DYNLT2: variants seen among roughly 807,000 people sequenced by gnomAD.
The protein encoded by DYNLT2 is dynein light chain Tctex-type 2.
In DYNLT2, 24 loss-of-function variants were observed where a neutral mutation model predicts 24.3. The observed-to-expected ratio is 0.99, with a 90% CI of 0.71 to 1.39. The LOEUF is 1.39. Among genes scored for constraint, DYNLT2 ranks in the 40% most tolerant of loss-of-function variants. The pLI is 0.00. For synonymous variants in DYNLT2, 85 were observed against 85.4 expected, an observed-to-expected ratio of 1.00 and a Z score of 0.03; for missense variants, 246 against 234.5, an observed-to-expected ratio of 1.05 and a Z score of -0.32.
chr6:169,725,405 A>G, the DYNLT2 span: 4 of 397,932 alleles, frequency 1.0e-5, no homozygotes, highest in African/African-American at 2.1e-5. Flanking sequence ...CGCTCAGTCC[A>G]GCCTGACTCA....
rs925376351 is a variant in DYNLT2, at chr6:169,751,563, G to A, written c.-105C>T. 6.2e-7 allele frequency: 1 copy of A among 1,609,316 alleles called. No individual in the cohort carries two copies. Among genetic ancestry groups the A allele is most frequent in the East Asian group, 2.2e-5 (1 of 44,734 alleles). On this transcript the variant is annotated 5_prime_UTR_variant, in exon 1 of 4. Coordinates refer to ENST00000366774, the MANE Select transcript of DYNLT2 (RefSeq NM_174910.3). The stretch of plus-strand genomic sequence containing the variant: ...GAAGTCTCCCACCTGCGCCTCGTAC[G>A]GTAGGAAGTGCCCGCCAGGGCTCCA...
chr6:169,736,356 A>T (rs973609288), downstream of DYNLT2, among the ~76,000 whole-genome samples: 1 of 152,160 alleles, frequency 6.6e-6, no homozygotes, highest in Admixed American at 6.6e-5. Flanking sequence ...TGATCCTGTC[A>T]TAATGCTATT....
chr6:169,730,685 T>G, the DYNLT2 span, among the ~76,000 whole-genome samples: 1 of 152,024 alleles, frequency 6.6e-6, no homozygotes, highest in Admixed American at 6.6e-5. Flanking sequence ...GATCACGAAG[T>G]CAGGAGATCG....
chr6:169,743,517 C>T (rs1585318557), intron 2 of DYNLT2, among the ~76,000 whole-genome samples: 2 of 152,142 alleles, frequency 1.3e-5, no homozygotes, highest in Admixed American at 6.5e-5. Flanking sequence ...AGTTAATAGA[C>T]ACAAGGAGAT....
rs900704208 is a variant in DYNLT2 at position 169,743,949 on chromosome 6, C to T, written c.327+119G>A. On this transcript the variant is annotated intron_variant, in intron 2 of 3. Coordinates refer to ENST00000366774, the MANE Select transcript of DYNLT2 (RefSeq NM_174910.3). The stretch of plus-strand genomic sequence containing the variant: ...GCCTGCACCAATGACACAATACCTT[C>T]TGGTTCTAGTGACAATTGTATGAGC... The T allele has an allele frequency of 7.6e-6, 7 of 916,020 alleles. No homozygotes were observed. In the African/African-American group the frequency reaches 1.2e-4, roughly 15 times the overall value. 56.7% of individuals were successfully genotyped at this position (916,020 alleles called of 1,614,324 possible).
Position 169,744,151 on chromosome 6 carries a change from T to C in DYNLT2, c.244A>G (p.Lys82Glu), listed in dbSNP as rs371007983. The change falls in exon 2 of 4, where the codon AAG (lysine) becomes GAG (glutamate). Residue 82 changes from lysine to glutamate, a missense_variant. Coordinates refer to ENST00000366774, the MANE Select transcript of DYNLT2 (RefSeq NM_174910.3). Reference sequence around the variant, plus strand: ...TCCATTCTATATGAATTAGCAAACTTTAATTTTGCCAGGGCACTCTTCCAT... The same window carrying C: ...TCCATTCTATATGAATTAGCAAACTCTAATTTTGCCAGGGCACTCTTCCAT... ...KEWKSALAKLKFANSYRMEPL... is the reference protein window; with the variant it reads ...KEWKSALAKLEFANSYRMEPL... The C allele has an allele frequency of 1.1e-5, 18 of 1,613,344 alleles. No individual in the cohort carries two copies. Among genetic ancestry groups the C allele is most frequent in the Admixed American group, 6.7e-5 (4 of 59,992 alleles).
intron 1 of DYNLT2, chr6:169,750,801 A>G (rs1375232947): frequency 6.6e-6 from 1 of 152,276 alleles, no homozygotes; most frequent in Non-Finnish European, 1.5e-5. Flanking sequence ...TTCCATCAAT[A>G]TCAGTAAGTT....
intron 1 of DYNLT2, 46 bp downstream of exon 1, chr6:169,751,293 C>A: frequency 6.3e-7 from 1 of 1,581,652 alleles, no homozygotes; most frequent in Non-Finnish European, 8.6e-7. Context: ...TTCACTTAAA[C>A]GGTCGGACAT....
Position 169,751,493 on chromosome 6 carries a change from C to G in DYNLT2, c.-35G>C. The G allele has an allele frequency of 1.2e-6, 2 of 1,611,746 alleles. No homozygotes were observed. Among genetic ancestry groups the G allele is most frequent in the Non-Finnish European group, 1.7e-6 (2 of 1,178,894 alleles). On this transcript the variant is annotated 5_prime_UTR_variant, in exon 1 of 4. Transcript: ENST00000366774. ...TTCTCCAAGACGCCCACCGCCTCCC[C>G]TTCACCGCCGGCGGTCAAACGCCCT... is the stretch of plus-strand genomic sequence containing the variant.
intron 1 of DYNLT2, chr6:169,750,405 T>C (rs931630438): frequency 2.0e-5 from 3 of 152,244 alleles, no homozygotes; most frequent in African/African-American, 4.8e-5. Flanking sequence ...TCCTCCTTTA[T>C]TTAGTTCGTT....
chr6:169,740,389 A>G, intron 3 of DYNLT2, 94 bp from the exon 4 acceptor site: 1 of 725,460 alleles, frequency 1.4e-6, no homozygotes, highest in Non-Finnish European at 2.5e-6. Context: ...TGAATGCATC[A>G]GTATCTCAGA....
chr6:169,733,363 G>A, the DYNLT2 span, among the ~76,000 whole-genome samples: 1 of 152,148 alleles, frequency 6.6e-6, no homozygotes, highest in African/African-American at 2.4e-5. Flanking sequence ...CTTTGCCCAT[G>A]CCTGTGTCCT....
At chr6:169,729,721 T>C in the DYNLT2 span, among the ~76,000 whole-genome samples, 1 of 152,140 alleles carries the variant, frequency 6.6e-6, no homozygotes, top group African/African-American at 2.4e-5. Flanking sequence ...AGAGTCCCCA[T>C]GATGGGGATT....
intron 3 of DYNLT2, 41 bp from the exon 4 acceptor site, chr6:169,740,336 A>G: frequency 8.4e-7 from 1 of 1,185,960 alleles, no homozygotes; most frequent in Non-Finnish European, 1.3e-6. Context: ...TAGATTGAAC[A>G]TATTAAGAAG....
chr6:169,730,364 A>C, the DYNLT2 span, among the ~76,000 whole-genome samples: 1 of 152,348 alleles, frequency 6.6e-6, no homozygotes, highest in African/African-American at 2.4e-5. Context: ...GTAAAAGATT[A>C]TATATTCAGA....
chr6:169,751,296 T>TC, intron 1 of DYNLT2, 43 bp downstream of exon 1: 1 of 1,586,088 alleles, frequency 6.3e-7, no homozygotes. Flanking sequence ...ACTTAAACGG[T>TC]CGGACATAGC....
chr6:169,747,546 GA>G (rs1789835048), intron 1 of DYNLT2, among the ~76,000 whole-genome samples: 1 of 152,024 alleles, frequency 6.6e-6, no homozygotes, highest in Non-Finnish European at 1.5e-5. Context: ...CTGCACTGTT[GA>G]ATCTGCTGTT....
chr6:169,742,609 A>T (rs1039327480), intron 3 of DYNLT2, among the ~76,000 whole-genome samples: 2 of 152,034 alleles, frequency 1.3e-5, no homozygotes, highest in Non-Finnish European at 2.9e-5. Flanking sequence ...CTAGGTTTGT[A>T]CTTTTCTTTC....
Position 169,740,199 on chromosome 6 carries a change from G to C in DYNLT2, c.583C>G (p.Leu195Val). Reference protein sequence around the residue: ...SYVALVLVFALYYE With the variant: ...SYVALVLVFAVYYE ...CCTGTAATGAGCTATTCATAATAAA[G>C]GGCAAACACCAAGACCAGTGCCACG... The change falls in exon 4 of 4, where the codon CTT becomes GTT. Residue 195 changes from leucine to valine, a missense_variant. Transcript: ENST00000366774. 1.9e-6 allele frequency: 3 copies of C among 1,612,544 alleles called. No individual in the cohort carries two copies. Among genetic ancestry groups the C allele is most frequent in the Non-Finnish European group, 2.5e-6 (3 of 1,178,660 alleles).
Sources: allele counts gnomAD v4.1 joint callset (sites outside exome capture counted in the v4.1 genomes callset), GRCh38; gene constraint gnomAD v4.1.1; transcripts MANE v1.5; gene names NCBI Gene and HGNC (gene_info 2026-07-23, HGNC 2026-07-21).